The following BMAL1 variants were observed in gnomAD, a reference collection of about 807,000 sequenced individuals.
BMAL1 encodes basic helix-loop-helix ARNT-like protein 1.
the BMAL1 span, among the ~76,000 whole-genome samples, chr11:13,306,582 C>T: frequency 1.3e-5 from 2 of 152,192 alleles, no homozygotes; most frequent in Non-Finnish European, 2.9e-5. Flanking sequence ...AGTCTGGCTG[C>T]TGGGGAAAAA....
chr11:13,372,248 CGAACCAGACAAT>C, the BMAL1 span: 2 of 1,614,170 alleles, frequency 1.2e-6, no homozygotes, highest in Non-Finnish European at 1.7e-6. Context: ...ATGAAGACAA[CGAACCAGACAAT>C]GAGGGGTGTA....
the BMAL1 span, among the ~76,000 whole-genome samples, chr11:13,358,873 AGAT>A: frequency 6.6e-6 from 1 of 152,238 alleles, no homozygotes; most frequent in African/African-American, 2.4e-5. Context: ...TGCCTATCAG[AGAT>A]GATACTGCTC....
chr11:13,331,795 C>T, the BMAL1 span, among the ~76,000 whole-genome samples: 5 of 152,264 alleles, frequency 3.3e-5, no homozygotes, highest in South Asian at 6.2e-4. Flanking sequence ...GTGCCTAAGC[C>T]GGAGTGGGCT....
At chr11:13,381,320 G>T in the BMAL1 span, 2 of 1,525,576 alleles carry the variant, frequency 1.3e-6, no homozygotes, top group African/African-American at 1.4e-5. Context: ...TGTTGGGGGT[G>T]GGAGTATGGA....
the BMAL1 span, among the ~76,000 whole-genome samples, chr11:13,382,866 C>G: frequency 9.2e-5 from 14 of 152,132 alleles, 1 homozygote; most frequent in Non-Finnish European, 2.1e-4. Flanking sequence ...GCTTCCAATT[C>G]TTTTCACATC....
the BMAL1 span, among the ~76,000 whole-genome samples, chr11:13,309,559 A>G: frequency 6.6e-6 from 1 of 152,166 alleles, no homozygotes; most frequent in Non-Finnish European, 1.5e-5. Context: ...ATATCCAAGC[A>G]TGTGTCAATG....
At chr11:13,381,860 C>G in the BMAL1 span, among the ~76,000 whole-genome samples, 1 of 152,168 alleles carries the variant, frequency 6.6e-6, no homozygotes, top group Non-Finnish European at 1.5e-5. Flanking sequence ...AACTTATAAG[C>G]CTAGGCCCAT....
At chr11:13,304,836 T>C in the BMAL1 span, among the ~76,000 whole-genome samples, 24 of 152,328 alleles carry the variant, frequency 1.6e-4, no homozygotes, top group African/African-American at 5.3e-4. Flanking sequence ...AGTTCTGGAA[T>C]GCGAGTTGAT....
At chr11:13,327,041 C>T in the BMAL1 span, among the ~76,000 whole-genome samples, 18 of 151,888 alleles carry the variant, frequency 1.2e-4, no homozygotes, top group East Asian at 2.6e-3. Flanking sequence ...AGGATGGTCT[C>T]GATCTCCTGA....
the BMAL1 span, among the ~76,000 whole-genome samples, chr11:13,327,948 A>G: frequency 7.0e-6 from 1 of 143,686 alleles, no homozygotes; most frequent in Non-Finnish European, 1.5e-5. Context: ...ATTCACAGCC[A>G]TGAAGGGTGT....
At chr11:13,380,495 G>T in the BMAL1 span, 1 of 152,184 alleles carries the variant, frequency 6.6e-6, no homozygotes, top group Non-Finnish European at 1.5e-5. Flanking sequence ...TATTTAGGTG[G>T]ATTTACAGTT....
the BMAL1 span, among the ~76,000 whole-genome samples, chr11:13,326,830 G>T: frequency 0.24 from 36,319 of 150,526 alleles, 4,701 homozygotes; most frequent in East Asian, 0.45. Flanking sequence ...GTTTTGTTTT[G>T]TTTTTTTGAG....
At chr11:13,383,988 A>G in the BMAL1 span, among the ~76,000 whole-genome samples, 1 of 152,230 alleles carries the variant, frequency 6.6e-6, no homozygotes, top group Non-Finnish European at 1.5e-5. Flanking sequence ...TGTGCTGCAT[A>G]CCAAAGTATG....
the BMAL1 span, chr11:13,378,598 C>G: frequency 1.0e-6 from 1 of 985,262 alleles, no homozygotes; most frequent in South Asian, 1.6e-5. Context: ...GGATAGAGAC[C>G]AGGGATGCTG....
At chr11:13,362,186 G>C in the BMAL1 span, among the ~76,000 whole-genome samples, 1 of 152,168 alleles carries the variant, frequency 6.6e-6, no homozygotes, top group African/African-American at 2.4e-5. Flanking sequence ...TTCAACTGTG[G>C]TCTGATTGGC....
At chr11:13,368,100 C>CT in the BMAL1 span, among the ~76,000 whole-genome samples, 1 of 152,182 alleles carries the variant, frequency 6.6e-6, no homozygotes, top group African/African-American at 2.4e-5. Flanking sequence ...CTAGCCTTGG[C>CT]TTTTTTAAGT....
At chr11:13,279,482 G>A in the BMAL1 span, among the ~76,000 whole-genome samples, 146 of 152,290 alleles carry the variant, frequency 9.6e-4, no homozygotes, top group Non-Finnish European at 1.8e-3. Context: ...GGTTGGTGGA[G>A]TTTTTAATTA....
the BMAL1 span, among the ~76,000 whole-genome samples, chr11:13,327,263 T>C: frequency 1.3e-4 from 19 of 151,940 alleles, 1 homozygote; most frequent in Non-Finnish European, 5.9e-5. Flanking sequence ...AAATAAAAAT[T>C]AAATGAAATA....
the BMAL1 span, among the ~76,000 whole-genome samples, chr11:13,292,433 G>C: frequency 1.3e-5 from 2 of 151,592 alleles, no homozygotes; most frequent in African/African-American, 2.4e-5. Context: ...TGTAATCCCA[G>C]CTCCTCGGGA....
Sources: allele counts gnomAD v4.1 joint callset (sites outside exome capture counted in the v4.1 genomes callset), GRCh38; gene constraint gnomAD v4.1.1; transcripts MANE v1.5; gene names NCBI Gene and HGNC (gene_info 2026-07-23, HGNC 2026-07-21).